The following CSMD1 variants were observed in gnomAD, a reference collection of about 807,000 sequenced individuals.
The protein encoded by CSMD1 is CUB and sushi domain-containing protein 1.
A neutral mutation model predicts 417.5 loss-of-function variants in CSMD1; 213 were observed. The observed-to-expected ratio is 0.51, with a 90% CI of 0.46 to 0.57. The LOEUF (loss-of-function observed/expected upper bound fraction) is 0.57. CSMD1 is among the 20% of genes least tolerant of loss of function. CSMD1 has a pLI of 0.00. For synonymous variants in CSMD1, 2,862 were observed against 1,736.8 expected (o/e 1.65, Z -16.11); for missense variants, 6,923 against 4,529.7 (o/e 1.53, Z -15.17).
intron 4 of CSMD1, among the ~76,000 whole-genome samples, chr8:4,011,488 T>A (rs866433402): frequency 2.0e-5 from 3 of 152,100 alleles, no homozygotes; most frequent in Admixed American, 6.5e-5. Flanking sequence ...ACATCCTCTC[T>A]TGAACCCACT....
intron 7 of CSMD1, among the ~76,000 whole-genome samples, chr8:3,639,494 G>A (rs1371420155): frequency 7.9e-5 from 12 of 152,126 alleles, no homozygotes; most frequent in Non-Finnish European, 1.5e-5. Flanking sequence ...TAAGGACAGA[G>A]CACTAAATGA....
chr8:4,467,657 T>A (rs942448153), intron 2 of CSMD1, among the ~76,000 whole-genome samples: 1 of 152,234 alleles, frequency 6.6e-6, no homozygotes, highest in South Asian at 2.1e-4. Flanking sequence ...ACCTTTCTTG[T>A]CCACATGAAC....
At chr8:2,947,437 G>GA (rs1484884308) in intron 68 of CSMD1, among the ~76,000 whole-genome samples, 1 of 152,144 alleles carries the variant, frequency 6.6e-6, no homozygotes, top group Non-Finnish European at 1.5e-5. Context: ...AGTTGAAGGG[G>GA]GGACTTACTT....
chr8:4,399,587 C>T (rs1226929560), intron 3 of CSMD1, among the ~76,000 whole-genome samples: 3 of 152,070 alleles, frequency 2.0e-5, no homozygotes, highest in Non-Finnish European at 4.4e-5. Flanking sequence ...TATACCACCC[C>T]TGGATCTTGC....
At chr8:4,389,211 C>A (rs1803677241) in intron 3 of CSMD1, among the ~76,000 whole-genome samples, 1 of 152,104 alleles carries the variant, frequency 6.6e-6, no homozygotes, top group Non-Finnish European at 1.5e-5. Flanking sequence ...AGGGAGTGGG[C>A]TACTTCTAGC....
intron 2 of CSMD1, among the ~76,000 whole-genome samples, chr8:4,566,895 C>CAATGAGAAAAAGTCAATTCAGG (rs1554514093): frequency 1.3e-4 from 19 of 151,306 alleles, no homozygotes; most frequent in Non-Finnish European, 2.4e-4. Context: ...TGTTTTCCAG[C>CAATGAGAAAAAGTCAATTCAGG]AATGAGAAAA....
intron 5 of CSMD1, among the ~76,000 whole-genome samples, chr8:3,764,739 C>CTTT (rs66603480): frequency 3.0e-4 from 39 of 129,756 alleles, no homozygotes; most frequent in Middle Eastern, 4.0e-3. Flanking sequence ...TTTTCTCTTT[C>CTTT]TTTTTTTTTT....
chr8:4,356,064 T>G (rs1008957628), intron 3 of CSMD1, among the ~76,000 whole-genome samples: 1 of 152,194 alleles, frequency 6.6e-6, no homozygotes, highest in East Asian at 1.9e-4. Context: ...ACCTGAGCAG[T>G]GTACACTGCA....
intron 3 of CSMD1, among the ~76,000 whole-genome samples, chr8:4,063,908 T>C (rs1001076056): frequency 2.6e-5 from 4 of 152,206 alleles, no homozygotes; most frequent in Admixed American, 6.6e-5. Flanking sequence ...TGCACAATGA[T>C]GTAGGTGATA....
intron 5 of CSMD1, among the ~76,000 whole-genome samples, chr8:3,940,027 T>G (rs989840607): frequency 6.6e-6 from 1 of 152,096 alleles, no homozygotes; most frequent in East Asian, 1.9e-4. Flanking sequence ...AATAAATCCA[T>G]GTTTTAAACA....
At chr8:3,545,617 C>G (rs542621290) in intron 10 of CSMD1, among the ~76,000 whole-genome samples, 6 of 152,132 alleles carry the variant, frequency 3.9e-5, no homozygotes, top group Non-Finnish European at 8.8e-5. Flanking sequence ...CTGCCGTAAC[C>G]CAAGTTGAGC....
At chr8:4,721,302 G>A (rs996457771) in intron 1 of CSMD1, among the ~76,000 whole-genome samples, 1 of 152,136 alleles carries the variant, frequency 6.6e-6, no homozygotes, top group African/African-American at 2.4e-5. Flanking sequence ...AAATACATGT[G>A]ATTTTGTAGT....
intron 49 of CSMD1, among the ~76,000 whole-genome samples, chr8:3,083,610 T>TATATATATTTA (rs1563320328): frequency 3.2e-5 from 1 of 30,930 alleles, no homozygotes; most frequent in African/African-American, 1.4e-4. Context: ...ACCATAATTT[T>TATATATATTTA]TATATATATA....
Position 3,634,381 on chromosome 8 carries a change from G to A in CSMD1, c.1010-17584C>T, listed in dbSNP as rs144816363. On this transcript the variant is annotated intron_variant, in intron 7 of 69. Transcript: ENST00000635120. ...CTCCAGTTAAACTTCTATAGGCACC[G>A]AGGCTCAGGAGAGCTTCTGTGGTCT... Among the ~76,000 whole-genome samples, 684 of 152,282 alleles carry A rather than the reference G, an allele frequency of 4.5e-3. 14 individuals are homozygous for A. Among genetic ancestry groups the A allele is most frequent in the Admixed American group, 0.04 (605 of 15,294 alleles).
intron 4 of CSMD1, among the ~76,000 whole-genome samples, chr8:4,023,842 C>A (rs1032851701): frequency 1.5e-5 from 2 of 137,708 alleles, no homozygotes; most frequent in African/African-American, 5.4e-5. Flanking sequence ...TGGCCTCGAT[C>A]TCCTGACCTC....
chr8:4,033,653 G>T (rs150484164), intron 3 of CSMD1, among the ~76,000 whole-genome samples: 1 of 152,132 alleles, frequency 6.6e-6, no homozygotes. Flanking sequence ...GCTGCGTCAT[G>T]GGCCACTGAT....
chr8:3,198,305 A>G (rs1004404243), intron 33 of CSMD1, among the ~76,000 whole-genome samples: 1 of 152,186 alleles, frequency 6.6e-6, no homozygotes, highest in African/African-American at 2.4e-5. Context: ...AGGAGAAAAA[A>G]TGTTGAGGCA....
intron 1 of CSMD1, among the ~76,000 whole-genome samples, chr8:4,722,266 T>C (rs1809107597): frequency 6.6e-6 from 1 of 152,154 alleles, no homozygotes; most frequent in Non-Finnish European, 1.5e-5. Flanking sequence ...AGCTATCATA[T>C]TATATTCCTT....
chr8:3,950,825 A>G lies in CSMD1; in HGVS notation c.818+47078T>C, dbSNP rs1202478427. Among the ~76,000 whole-genome samples, 4 of 152,102 alleles carry G rather than the reference A, an allele frequency of 2.6e-5. No homozygotes were observed. The East Asian group carries it at 7.7e-4, about 29-fold the overall frequency. On this transcript the variant is annotated intron_variant, in intron 5 of 69. Transcript: ENST00000635120. ...GGTCATAATAGGTTTAGTATATTAA[A>G]ATACTGTGCTAAGTAGAATATTTTC...
Sources: allele counts gnomAD v4.1 joint callset (sites outside exome capture counted in the v4.1 genomes callset), GRCh38; gene constraint gnomAD v4.1.1; transcripts MANE v1.5; gene names NCBI Gene and HGNC (gene_info 2026-07-23, HGNC 2026-07-21).